The following NCBP2L variants were observed in gnomAD, a reference collection of about 807,000 sequenced individuals.
NCBP2L encodes the protein nuclear cap binding protein subunit 2 like.
For synonymous variants in NCBP2L, 39 were observed against 19.2 expected (o/e 2.04, Z -2.70); for missense variants, 95 against 53.1 (o/e 1.79, Z -2.45).
intron 1 of NCBP2L, among the ~76,000 whole-genome samples, chrX:107,781,812 C>CTATATTTATATATAGATATA (rs1164321800): frequency 1.1e-5 from 1 of 93,834 alleles, no homozygotes. Context: ...ATATAGATAT[C>CTATATTTATATATAGATATA]TAGATATCTA....
At chrX:107,779,897 C>T (rs1345789687) in intron 1 of NCBP2L, among the ~76,000 whole-genome samples, 1 of 108,962 alleles carries the variant, frequency 9.2e-6, no homozygotes, top group Non-Finnish European at 1.9e-5. Context: ...GTGCCTGCTA[C>T]CACGCCCGGC....
intron 1 of NCBP2L, among the ~76,000 whole-genome samples, chrX:107,782,246 T>A (rs866888588): frequency 1.7e-3 from 11 of 6,297 alleles, no homozygotes; most frequent in African/African-American, 2.4e-3. Context: ...AATATATATA[T>A]ATAAATATAT....
intron 1 of NCBP2L, among the ~76,000 whole-genome samples, chrX:107,781,497 G>A (rs1165156596): frequency 2.3e-5 from 2 of 88,744 alleles, no homozygotes; most frequent in African/African-American, 9.1e-5. Context: ...TTTTTTTGTG[G>A]AGATGGGGCT....
At chrX:107,787,433 GT>G (rs1337335867) in intron 1 of NCBP2L, among the ~76,000 whole-genome samples, 1 of 111,981 alleles carries the variant, frequency 8.9e-6, no homozygotes, top group Non-Finnish European at 1.9e-5. Context: ...TTCGAGTGCA[GT>G]TTTGGTACAT....
At chrX:107,782,356 T>TATATATAAATATATATATATAA (rs1930333493) in intron 1 of NCBP2L, among the ~76,000 whole-genome samples, 1 of 40,401 alleles carries the variant, frequency 2.5e-5, no homozygotes, top group Non-Finnish European at 3.5e-5. Flanking sequence ...TATATAAATA[T>TATATATAAATATATATATATAA]ATATATATAT....
chrX:107,782,248 T>A (rs59397065), intron 1 of NCBP2L, among the ~76,000 whole-genome samples: 12 of 7,514 alleles, frequency 1.6e-3, no homozygotes, highest in East Asian at 9.7e-3. Context: ...TATATATATA[T>A]AAATATATAT....
At chrX:107,779,738 A>ATTTTTTTTTT (rs60997776) in intron 1 of NCBP2L, among the ~76,000 whole-genome samples, 1 of 36,649 alleles carries the variant, frequency 2.7e-5, no homozygotes, top group African/African-American at 9.9e-5. Context: ...TATCCCCTGA[A>ATTTTTTTTTT]TTTTTTTTTT....
At chrX:107,787,459 G>A (rs982782529) in intron 1 of NCBP2L, among the ~76,000 whole-genome samples, 3 of 112,082 alleles carry the variant, frequency 2.7e-5, no homozygotes, top group Non-Finnish European at 3.8e-5. Context: ...ATATTGCAGA[G>A]TGGTGAAGTC....
chrX:107,781,692 C>CTCTCTCTCTCTCTCTCTATATATA (rs1395038482), intron 1 of NCBP2L, among the ~76,000 whole-genome samples: 12 of 66,911 alleles, frequency 1.8e-4, no homozygotes, highest in African/African-American at 1.7e-4. Context: ...CTCTCTCTCT[C>CTCTCTCTCTCTCTCTCTATATATA]TATATATATA....
At position 107,784,989 on chromosome X, in the gene NCBP2L, AAAAGAAAGAAGGAAGG is replaced by A. The variant is rs1184282832; in HGVS notation, c.-73+7150_-73+7165del. ...ATGAGACCTTGTCTCAAAAACAAAC[AAAAGAAAGAAGGAAGG>A]AAAGAAAGAAGGAAGGAAGGAAGGA... On this transcript the variant is annotated intron_variant, in intron 1 of 1. Coordinates refer to ENST00000509000, the MANE Select transcript of NCBP2L (RefSeq NM_001348372.2). Among the ~76,000 whole-genome samples the A allele has an allele frequency of 3.8e-5, 4 of 104,192 alleles. No individual in the cohort carries two copies. The East Asian group carries it at 8.7e-4, about 23-fold the overall frequency. The allele number at this position is 104,192 out of a possible 115,157, so 90.5% of individuals were successfully genotyped here. A position where few individuals can be genotyped will look rare whatever the true frequency, so the allele number is the denominator to read the frequency against.
intron 1 of NCBP2L, among the ~76,000 whole-genome samples, chrX:107,782,352 AATAT>A (rs1316327445): frequency 0.023 from 856 of 37,328 alleles, 47 homozygotes; most frequent in Middle Eastern, 0.03. Context: ...TATATATATA[AATAT>A]ATATATATAT....
intron 1 of NCBP2L, among the ~76,000 whole-genome samples, chrX:107,782,864 A>G (rs1205614185): frequency 9.2e-6 from 1 of 108,484 alleles, no homozygotes; most frequent in Non-Finnish European, 1.9e-5. Flanking sequence ...ACACATATAT[A>G]CACATAATAT....
rs773905070 is a variant in NCBP2L at position 107,790,994 on chromosome X, T to G, written c.-72-3155T>G. Among the ~76,000 whole-genome samples the G allele has an allele frequency of 3.6e-5, 4 of 111,778 alleles. No individual in the cohort carries two copies. The East Asian group carries it at 1.1e-3, about 31-fold the overall frequency. ...ATTACATTGCATTGCAATTTGTATG[T>G]TAAGTTGTCCATCTCCCCAGATTGT... On this transcript the variant is annotated intron_variant, in intron 1 of 1. Coordinates refer to ENST00000509000, the MANE Select transcript of NCBP2L (RefSeq NM_001348372.2).
intron 1 of NCBP2L, among the ~76,000 whole-genome samples, chrX:107,781,660 A>ATCTCTCTCTCTCTCTC (rs1930274533): frequency 4.6e-5 from 3 of 65,553 alleles, no homozygotes; most frequent in Admixed American, 3.2e-4. Flanking sequence ...TCATCTATCT[A>ATCTCTCTCTCTCTCTC]TCTATCTATC....
At chrX:107,778,210 G>A (rs1264996264) in intron 1 of NCBP2L, among the ~76,000 whole-genome samples, 2 of 111,814 alleles carry the variant, frequency 1.8e-5, no homozygotes, top group Non-Finnish European at 3.8e-5. Flanking sequence ...TATTTAAGTT[G>A]TGTTTTGTGA....
intron 1 of NCBP2L, among the ~76,000 whole-genome samples, chrX:107,781,898 T>C (rs1160936509): frequency 1.1e-5 from 1 of 92,283 alleles, no homozygotes; most frequent in Non-Finnish European, 2.1e-5. Flanking sequence ...CTAATTTTGG[T>C]ATTTTTAGTA....
intron 1 of NCBP2L, among the ~76,000 whole-genome samples, chrX:107,784,664 A>G (rs1023616044): frequency 9.1e-6 from 1 of 109,341 alleles, no homozygotes; most frequent in African/African-American, 3.3e-5. Flanking sequence ...TGGTCTCCAC[A>G]AAGCATATAG....
At chrX:107,779,513 C>G (rs2147804388) in intron 1 of NCBP2L, among the ~76,000 whole-genome samples, 1 of 112,006 alleles carries the variant, frequency 8.9e-6, no homozygotes, top group South Asian at 3.7e-4. Context: ...ACTGCAACCT[C>G]CACCTCCCAG....
At chrX:107,792,217 G>A (rs1426140044) in intron 1 of NCBP2L, among the ~76,000 whole-genome samples, 2 of 111,130 alleles carry the variant, frequency 1.8e-5, no homozygotes, top group Admixed American at 9.6e-5. Flanking sequence ...AATGCCTGAA[G>A]CATCCAGCTT....
Sources: gnomAD v4.1 joint callset for allele counts (sites outside exome capture counted in the v4.1 genomes callset) on GRCh38, gnomAD v4.1.1 for gene constraint, MANE v1.5 for transcripts, NCBI Gene and HGNC (gene_info 2026-07-23, HGNC 2026-07-21) for gene names.